SCYL3: variants seen among roughly 807,000 people sequenced by gnomAD.
SCYL3 encodes the protein SCY1 like pseudokinase 3.
In SCYL3, 35 loss-of-function variants were observed where a neutral mutation model predicts 73.8. The ratio of observed to expected loss-of-function variants is 0.47; its 90% CI spans 0.36 to 0.63. The LOEUF (loss-of-function observed/expected upper bound fraction) is 0.63, where lower values mean the gene tolerates loss of function less well. SCYL3 is among the 20% of genes least tolerant of loss of function. SCYL3 has a pLI of 0.00. For synonymous variants in SCYL3, 277 were observed against 295.2 expected, an observed-to-expected ratio of 0.94 and a Z score of 0.63; for missense variants, 712 against 798.9, an observed-to-expected ratio of 0.89 and a Z score of 1.31.
chr1:169,870,396 C>T (rs1360910792), intron 5 of SCYL3, 39 bp from the exon 6 acceptor site: 1 of 1,388,098 alleles, frequency 7.2e-7, no homozygotes, highest in Admixed American at 1.9e-5. Flanking sequence ...GAGGATCTGC[C>T]TTATAAGCCA....
chr1:169,854,092 T>C, intron 12 of SCYL3, 178 bp downstream of exon 12: 1 of 600,308 alleles, frequency 1.7e-6, no homozygotes, highest in South Asian at 2.4e-5. Context: ...TAAGCATTGC[T>C]ACATTTTTCT....
rs1658125619 is a variant in SCYL3, at chr1:169,850,990, TTTTTTTTTTTTTTTTTA to T, written c.*2706_*2722del. On this transcript the variant is annotated 3_prime_UTR_variant, in exon 13 of 13. Transcript: ENST00000367771. Reference sequence around the variant, plus strand: ...ATAATTTAGGCATGGCTTTTTTTTTTTTTTTTTTTTTTTTTTATTTGGGCAGCCTCCCAAGCCAGGGT... The same window carrying T: ...ATAATTTAGGCATGGCTTTTTTTTTTTTTGGGCAGCCTCCCAAGCCAGGGT... 2 of 54,840 alleles carry T rather than the reference TTTTTTTTTTTTTTTTTA, an allele frequency of 3.6e-5. No individual in the cohort carries two copies. The highest frequency in any genetic ancestry group is 7.8e-4 in the South Asian group (1 of 1,278). 3.4% of individuals were successfully genotyped at this position (54,840 alleles called of 1,614,324 possible).
intron 9 of SCYL3, among the ~76,000 whole-genome samples, chr1:169,863,863 A>T (rs1166237862): frequency 6.6e-6 from 1 of 152,216 alleles, no homozygotes; most frequent in Admixed American, 6.5e-5. Flanking sequence ...TTCTAGTGTC[A>T]TATTAATACT....
intron 2 of SCYL3, among the ~76,000 whole-genome samples, chr1:169,881,929 T>C (rs528078829): frequency 1.3e-5 from 2 of 152,344 alleles, no homozygotes; most frequent in East Asian, 3.9e-4. Flanking sequence ...AATCTAATAC[T>C]GAGAGGTGAC....
rs1188395124 is a variant in SCYL3 at position 169,851,915 on chromosome 1, A to C, written c.*1798T>G. 9 of 1,614,092 alleles carry C rather than the reference A, an allele frequency of 5.6e-6. No individual in the cohort carries two copies. Among genetic ancestry groups the C allele is most frequent in the South Asian group, 2.2e-5 (2 of 91,082 alleles). ...CCTTTGCTAATGTGACTGTAGAAGA[A>C]GCAAAGAGGTCATCTTTACAGGTAT... On this transcript the variant is annotated 3_prime_UTR_variant, in exon 13 of 13. Transcript: ENST00000367771.
Position 169,854,462 on chromosome 1 carries a change from G to A in SCYL3, c.1815C>T (p.Phe605=). The A allele has an allele frequency of 1.9e-6, 3 of 1,614,042 alleles. No individual in the cohort carries two copies. Among genetic ancestry groups the A allele is most frequent in the Non-Finnish European group, 2.5e-6 (3 of 1,179,982 alleles). The change falls in exon 12 of 13, where the codon TTC becomes TTT. Residue 605 remains phenylalanine, a synonymous_variant. Coordinates refer to ENST00000367771, the MANE Select transcript of SCYL3 (RefSeq NM_020423.7). The part of the protein sequence containing the change: ...VPSELGLGEE[F]TIQVKKKPVK... ...CTGGCTTCTTTTTTACTTGAATGGT[G>A]AATTCCTCTCCTAAACCAAGTTCTG... is the stretch of plus-strand genomic sequence containing the variant.
At chr1:169,878,851 A>G (rs745623657) in intron 2 of SCYL3, 32 bp from the exon 3 acceptor site, 2 of 1,573,048 alleles carry the variant, frequency 1.3e-6, no homozygotes, top group Non-Finnish European at 1.7e-6. Context: ...AGCTGAAGTT[A>G]ATGACCCCAA....
Position 169,853,627 on chromosome 1 carries a change from T to C in SCYL3, c.*86A>G. 6.9e-7 allele frequency: 1 copy of C among 1,453,556 alleles called. No homozygotes were observed. Among genetic ancestry groups the C allele is most frequent in the Non-Finnish European group, 9.5e-7 (1 of 1,050,080 alleles). The allele number at this position is 1,453,556 out of a possible 1,614,324, so 90.0% of individuals were successfully genotyped here. ...GGGAAAAGCAGGCCACTTTGGGGTTTTCTTGTCCCAAAGCCTGCTTTTGAG... is the reference window on the plus strand; with the variant it reads ...GGGAAAAGCAGGCCACTTTGGGGTTCTCTTGTCCCAAAGCCTGCTTTTGAG... On this transcript the variant is annotated 3_prime_UTR_variant, in exon 13 of 13. Transcript: ENST00000367771.
At chr1:169,861,071 A>T (rs1376823071) in intron 10 of SCYL3, among the ~76,000 whole-genome samples, 2 of 152,184 alleles carry the variant, frequency 1.3e-5, no homozygotes, top group Non-Finnish European at 1.5e-5. Flanking sequence ...TCCTCTTCTA[A>T]ATTTCCAGAC....
Position 169,853,094 on chromosome 1 carries a change from T to G in SCYL3, c.*619A>C. ...ACAAATTTTGTAAAGTTGAATCTAG[T>G]GAAAATAATCTTTATTTGACATTTA... On this transcript the variant is annotated 3_prime_UTR_variant, in exon 13 of 13. Coordinates refer to ENST00000367771, the MANE Select transcript of SCYL3 (RefSeq NM_020423.7). The G allele has an allele frequency of 9.8e-7, 1 of 1,024,988 alleles. No individual in the cohort carries two copies. The highest frequency in any genetic ancestry group is 1.5e-6 in the Non-Finnish European group (1 of 689,614). 63.5% of individuals were successfully genotyped at this position (1,024,988 alleles called of 1,614,324 possible).
chr1:169,854,779 C>T lies in SCYL3; in HGVS notation c.1498G>A (p.Asp500Asn). The change falls in exon 12 of 13, where the codon GAT (aspartate) becomes AAT (asparagine). Residue 500 changes from aspartate to asparagine, a missense_variant. Around this residue, in one of 2 missense-constraint regions of SCYL3, gnomAD observed 370 missense variants for 350.8 expected, o/e 1.05. Coordinates refer to ENST00000367771, the MANE Select transcript of SCYL3 (RefSeq NM_020423.7). ...NIQIWPREPC[D>N]DVKSQCTTLD... ...GTAGTGCACTGGGACTTGACATCAT[C>T]ACAAGGTTCTCTAGGCCAAATCTGT... 6.2e-7 allele frequency: 1 copy of T among 1,614,048 alleles called. No individual in the cohort carries two copies. The highest frequency in any genetic ancestry group is 8.5e-7 in the Non-Finnish European group (1 of 1,179,962).
chr1:169,862,515 G>A (rs1553260461), intron 10 of SCYL3, 98 bp downstream of exon 10: 1 of 1,293,280 alleles, frequency 7.7e-7, no homozygotes, highest in Non-Finnish European at 1.1e-6. Context: ...GCTGCCTGAA[G>A]GCTTTCTAAG....
rs910632621 is a variant in SCYL3, at chr1:169,888,684, C to T, written c.157G>A (p.Ala53Thr). The change falls in exon 2 of 13, where the codon GCT becomes ACT. Residue 53 changes from alanine (A) to threonine (T), a missense_variant. Physicochemically the swap from Ala to Thr is moderately conservative, Grantham distance 58. Transcript: ENST00000367771. ...GTCACCTATTATGGTACCTTGGCAGCTTTATTAACCTTGTCTTCATTTTCT... is the reference window on the plus strand; with the variant it reads ...GTCACCTATTATGGTACCTTGGCAGTTTTATTAACCTTGTCTTCATTTTCT... ...KRENEDKVNK[A>T]AKHLKTLRHP... 3 of 1,613,322 alleles carry T rather than the reference C, an allele frequency of 1.9e-6. No individual in the cohort carries two copies. Among genetic ancestry groups the T allele is most frequent in the Admixed American group, 1.7e-5 (1 of 59,918 alleles).
intron 8 of SCYL3, among the ~76,000 whole-genome samples, chr1:169,866,470 C>A (rs772055154): frequency 3.3e-5 from 5 of 152,262 alleles, no homozygotes; most frequent in African/African-American, 1.2e-4. Context: ...GCACTCCTCA[C>A]TGCCACATGC....
At chr1:169,878,514 A>G in intron 3 of SCYL3, 120 bp downstream of exon 3, 2 of 901,100 alleles carry the variant, frequency 2.2e-6, no homozygotes, top group Non-Finnish European at 1.6e-6. Flanking sequence ...AAGTTTTCTA[A>G]TAATAACACT....
chr1:169,872,248 G>A (rs538812522), intron 5 of SCYL3, among the ~76,000 whole-genome samples: 5 of 152,360 alleles, frequency 3.3e-5, no homozygotes, highest in Admixed American at 1.3e-4. Flanking sequence ...TCTAGCCATG[G>A]CAGAAAGGGG....
At chr1:169,890,901 C>T (rs1250451982) in intron 1 of SCYL3, among the ~76,000 whole-genome samples, 2 of 152,220 alleles carry the variant, frequency 1.3e-5, no homozygotes, top group African/African-American at 4.8e-5. Context: ...ATGCTAATCC[C>T]TCTGTTCTGG....
At position 169,850,370 on chromosome 1, in the gene SCYL3, T is replaced by A; in HGVS notation, c.*3343A>T. 6.7e-7 allele frequency: 1 copy of A among 1,502,032 alleles called. No homozygotes were observed. The highest frequency in any genetic ancestry group is 9.1e-7 in the Non-Finnish European group (1 of 1,093,148). 93.0% of individuals were successfully genotyped at this position (1,502,032 alleles called of 1,614,324 possible). On this transcript the variant is annotated 3_prime_UTR_variant, in exon 13 of 13. Coordinates refer to ENST00000367771, the MANE Select transcript of SCYL3 (RefSeq NM_020423.7). ...GGTACTTTCTTTACATGGCTCATGT[T>A]TTATTCTTTGTCCTATTTTTTTTTT...
intron 8 of SCYL3, among the ~76,000 whole-genome samples, chr1:169,864,731 G>A (rs1235253146): frequency 3.9e-5 from 6 of 152,118 alleles, no homozygotes; most frequent in Admixed American, 6.6e-5. Context: ...CGGCCGCGGC[G>A]GGCAGATCAC....
Sources: gnomAD v4.1 joint callset for allele counts (sites outside exome capture counted in the v4.1 genomes callset) on GRCh38, gnomAD v4.1.1 for gene constraint, gnomAD v4.1.1 regional missense constraint, MANE v1.5 for transcripts, NCBI Gene and HGNC (gene_info 2026-07-23, HGNC 2026-07-21) for gene names.